IL1RAPL1: variants seen among roughly 807,000 people sequenced by gnomAD.
IL1RAPL1 encodes interleukin 1 receptor accessory protein like 1, also known as interleukin-1 receptor accessory protein-like 1.
A neutral mutation model predicts 48.4 loss-of-function variants in IL1RAPL1; 3 were observed. The observed-to-expected ratio is 0.06, with a 90% CI of 0.03 to 0.16. IL1RAPL1 has a LOEUF of 0.16. Among genes scored for constraint, IL1RAPL1 ranks in the 10% least tolerant of loss-of-function variants. The pLI is 1.00. For synonymous variants in IL1RAPL1, 185 were observed against 187.7 expected (o/e 0.99, Z 0.12); for missense variants, 349 against 530.6 (o/e 0.66, Z 3.36).
chrX:29,171,618 A>G (rs1268856152), intron 2 of IL1RAPL1, among the ~76,000 whole-genome samples: 1 of 112,270 alleles, frequency 8.9e-6, no homozygotes, highest in African/African-American at 3.2e-5. Flanking sequence ...CTGAAGATAA[A>G]GATTATAGCT....
In IL1RAPL1 at chrX:29,836,717, A is replaced by C. The variant is rs778551551; in HGVS notation, c.779-80747A>C. On this transcript the variant is annotated intron_variant, in intron 6 of 10. Coordinates refer to ENST00000378993, the MANE Select transcript of IL1RAPL1 (RefSeq NM_014271.4). Reference sequence around the variant, plus strand: ...AATGATTTTGTCAGCACATTGATAGATTTTTTTTTCTAGCTTTCTATGTGC... The same window carrying C: ...AATGATTTTGTCAGCACATTGATAGCTTTTTTTTTCTAGCTTTCTATGTGC... 1.9e-3 allele frequency among the ~76,000 whole-genome samples: 214 copies of C among 109,958 alleles called. 1 individual carries two copies. Among genetic ancestry groups the C allele is most frequent in the Non-Finnish European group, 3.1e-3 (162 of 52,617 alleles).
At chrX:29,162,518 T>C (rs1929706434) in intron 2 of IL1RAPL1, among the ~76,000 whole-genome samples, 1 of 110,622 alleles carries the variant, frequency 9.0e-6, no homozygotes, top group South Asian at 3.8e-4. Context: ...AATATGTGTA[T>C]ATTTTTCTAA....
At chrX:29,714,375 T>TTCAATC (rs759029866) in intron 6 of IL1RAPL1, among the ~76,000 whole-genome samples, 40 of 112,133 alleles carry the variant, frequency 3.6e-4, no homozygotes, top group Middle Eastern at 4.6e-3. Flanking sequence ...TCACAGCCAA[T>TTCAATC]TCAATCTCAT....
chrX:29,265,232 A>G (rs888624935), intron 2 of IL1RAPL1, among the ~76,000 whole-genome samples: 1 of 110,511 alleles, frequency 9.0e-6, no homozygotes, highest in Non-Finnish European at 1.9e-5. Flanking sequence ...TAATTTTTAG[A>G]TAAGGATCTA....
At chrX:28,892,362 C>T (rs926214525) in intron 2 of IL1RAPL1, among the ~76,000 whole-genome samples, 1 of 109,835 alleles carries the variant, frequency 9.1e-6, no homozygotes, top group Non-Finnish European at 1.9e-5. Context: ...CCAGGATGAG[C>T]CAGGAGAGGG....
At chrX:29,671,095 C>T (rs1158069403) in intron 6 of IL1RAPL1, among the ~76,000 whole-genome samples, 2 of 112,043 alleles carry the variant, frequency 1.8e-5, no homozygotes, top group Non-Finnish European at 3.8e-5. Context: ...CACACGTATC[C>T]AATCAACCCT....
At chrX:29,600,938 C>T in intron 5 of IL1RAPL1, among the ~76,000 whole-genome samples, 1 of 111,266 alleles carries the variant, frequency 9.0e-6, no homozygotes, top group Non-Finnish European at 1.9e-5. Flanking sequence ...TCCAACAGCA[C>T]TGAGCCTATT....
chrX:29,097,352 C>G (rs1264195470), intron 2 of IL1RAPL1, among the ~76,000 whole-genome samples: 1 of 111,630 alleles, frequency 9.0e-6, no homozygotes, highest in Non-Finnish European at 1.9e-5. Flanking sequence ...TAGATGGACT[C>G]TTGGAACTCC....
At chrX:29,099,560 T>C (rs1338036888) in intron 2 of IL1RAPL1, among the ~76,000 whole-genome samples, 1 of 112,174 alleles carries the variant, frequency 8.9e-6, no homozygotes, top group East Asian at 2.8e-4. Flanking sequence ...TGGGCAGAAC[T>C]GAGATTTAAA....
chrX:29,176,032 C>G (rs1412119496), intron 2 of IL1RAPL1, among the ~76,000 whole-genome samples: 1 of 107,403 alleles, frequency 9.3e-6, no homozygotes, highest in Non-Finnish European at 1.9e-5. Flanking sequence ...CTTGTTAGGC[C>G]TCAGCCCTGG....
At chrX:29,764,909 A>G (rs1928844573) in intron 6 of IL1RAPL1, among the ~76,000 whole-genome samples, 1 of 111,970 alleles carries the variant, frequency 8.9e-6, no homozygotes, top group African/African-American at 3.3e-5. Flanking sequence ...TCACCAGCGT[A>G]CTGGAGAATG....
chrX:29,694,421 G>A (rs1006894477), intron 6 of IL1RAPL1, among the ~76,000 whole-genome samples: 1 of 111,873 alleles, frequency 8.9e-6, no homozygotes, highest in African/African-American at 3.2e-5. Context: ...AGGGATAGCA[G>A]GTCATTCCAG....
chrX:28,651,497 G>A (rs1356245076), intron 1 of IL1RAPL1, among the ~76,000 whole-genome samples: 1 of 112,095 alleles, frequency 8.9e-6, no homozygotes, highest in Non-Finnish European at 1.9e-5. Context: ...CCCTGACCTA[G>A]ATGATTATTA....
chrX:29,429,377 A>T (rs1322759939), intron 5 of IL1RAPL1, among the ~76,000 whole-genome samples: 9 of 112,485 alleles, frequency 8.0e-5, no homozygotes, highest in Non-Finnish European at 1.5e-4. Context: ...AACACAATTT[A>T]GTTTTGGAAT....
intron 5 of IL1RAPL1, among the ~76,000 whole-genome samples, chrX:29,406,109 G>T (rs1355134808): frequency 9.0e-6 from 1 of 111,130 alleles, no homozygotes; most frequent in East Asian, 2.8e-4. Flanking sequence ...GCATTTCCTG[G>T]CTGGGCACAG....
At chrX:28,770,465 C>T (rs1293043982) in intron 1 of IL1RAPL1, among the ~76,000 whole-genome samples, 1 of 111,927 alleles carries the variant, frequency 8.9e-6, no homozygotes. Context: ...AAATCGTTGT[C>T]GCCTTTGAAA....
At chrX:29,301,347 T>C (rs982887441) in intron 3 of IL1RAPL1, among the ~76,000 whole-genome samples, 12 of 112,195 alleles carry the variant, frequency 1.1e-4, no homozygotes, top group Non-Finnish European at 2.1e-4. Flanking sequence ...TACCTTTGGA[T>C]TGACTTTCTT....
intron 3 of IL1RAPL1, among the ~76,000 whole-genome samples, chrX:29,387,533 A>G (rs1933794408): frequency 8.9e-6 from 1 of 112,285 alleles, no homozygotes; most frequent in Non-Finnish European, 1.9e-5. Flanking sequence ...CACATCGAGA[A>G]TGTCAACTAT....
Position 28,785,898 on chromosome X carries a change from A to G in IL1RAPL1, c.-24-3422A>G, listed in dbSNP as rs1053342409. On this transcript the variant is annotated intron_variant, in intron 1 of 10. Transcript: ENST00000378993. ...ACATCTTGTAACTAGTGTATGCTCA[A>G]TAAGGGTTTATCAAATGATGGGTTT... 8.9e-5 allele frequency among the ~76,000 whole-genome samples: 10 copies of G among 112,343 alleles called. No homozygotes were observed. In the East Asian group the frequency reaches 1.1e-3, roughly 13 times the overall value.
Sources: allele counts gnomAD v4.1 joint callset (sites outside exome capture counted in the v4.1 genomes callset), GRCh38; gene constraint gnomAD v4.1.1; transcripts MANE v1.5; gene names NCBI Gene and HGNC (gene_info 2026-07-23, HGNC 2026-07-21).